Variants in CBFA2T2 observed in about 807,000 individuals in gnomAD.
CBFA2T2 encodes the protein protein CBFA2T2.
A neutral mutation model predicts 62.2 loss-of-function variants in CBFA2T2; 11 were observed. That is an observed-to-expected ratio of 0.18 (90% CI 0.11 to 0.29). The LOEUF is 0.29. CBFA2T2 is among the 10% of genes least tolerant of loss of function. The pLI is 1.00. For synonymous variants in CBFA2T2, 295 were observed against 287.5 expected (o/e 1.03, Z -0.27); for missense variants, 592 against 774.1 (o/e 0.76, Z 2.79).
intron 1 of CBFA2T2, among the ~76,000 whole-genome samples, chr20:33,587,481 T>A (rs1269021799): frequency 6.6e-6 from 1 of 151,966 alleles, no homozygotes; most frequent in Non-Finnish European, 1.5e-5. Flanking sequence ...TTAGCCAGGA[T>A]GGTCTTGATC....
chr20:33,609,210 A>G (rs1170039331), intron 2 of CBFA2T2, among the ~76,000 whole-genome samples: 1 of 152,136 alleles, frequency 6.6e-6, no homozygotes, highest in Non-Finnish European at 1.5e-5. Context: ...ATAGAAATAA[A>G]CAAGCATAGG....
In CBFA2T2 at chr20:33,611,238, G is replaced by A. The variant is rs2015516680; in HGVS notation, c.323G>A (p.Ser108Asn). The A allele has an allele frequency of 1.9e-6, 3 of 1,614,034 alleles. No individual in the cohort carries two copies. Among genetic ancestry groups the A allele is most frequent in the Non-Finnish European group, 2.5e-6 (3 of 1,180,030 alleles). The change falls in exon 3 of 11, where the codon AGC (serine) becomes AAC (asparagine). Residue 108 changes from serine (S) to asparagine (N), a missense_variant. Coordinates refer to ENST00000342704, the MANE Select transcript of CBFA2T2 (RefSeq NM_001032999.3). ...GCCACTTGTGGTGCTCGACAACTCA[G>A]CAAGTTGAAACGCTTTCTTACCACT... The part of the protein sequence containing the change: ...LPATCGARQL[S>N]KLKRFLTTLQ...
chr20:33,528,832 C>G (rs1600932733), intron 1 of CBFA2T2, among the ~76,000 whole-genome samples: 2 of 152,080 alleles, frequency 1.3e-5, no homozygotes, highest in African/African-American at 4.8e-5. Flanking sequence ...AGCCACTGCA[C>G]CCGGCCTAAA....
intron 3 of CBFA2T2, among the ~76,000 whole-genome samples, chr20:33,613,398 G>A (rs1205768110): frequency 1.3e-5 from 2 of 152,228 alleles, no homozygotes; most frequent in Non-Finnish European, 2.9e-5. Flanking sequence ...CAGAGGCATA[G>A]TAAGGAGACA....
chr20:33,637,229 T>G (rs991320726), intron 9 of CBFA2T2, among the ~76,000 whole-genome samples: 5 of 152,226 alleles, frequency 3.3e-5, no homozygotes, highest in African/African-American at 1.2e-4. Flanking sequence ...AGTTCAAGGA[T>G]GAACCTCACA....
chr20:33,548,851 G>A lies in CBFA2T2; in HGVS notation c.35-58105G>A, dbSNP rs1199072390. Among the ~76,000 whole-genome samples, 3 of 152,074 alleles carry A rather than the reference G, an allele frequency of 2.0e-5. No individual in the cohort carries two copies. In the East Asian group the frequency reaches 5.8e-4, roughly 29 times the overall value. On this transcript the variant is annotated intron_variant, in intron 1 of 10. Coordinates refer to ENST00000342704, the MANE Select transcript of CBFA2T2 (RefSeq NM_001032999.3). ...TTCTTCTGGAGTTGCCGCTACTCAGGAGGCTGAAGCAGGAAGATCACTTGA... is the reference window on the plus strand; with the variant it reads ...TTCTTCTGGAGTTGCCGCTACTCAGAAGGCTGAAGCAGGAAGATCACTTGA...
intron 1 of CBFA2T2, among the ~76,000 whole-genome samples, chr20:33,536,207 G>A (rs2146873787): frequency 6.6e-6 from 1 of 151,552 alleles, no homozygotes; most frequent in Admixed American, 6.6e-5. Context: ...ACGGGGTGGT[G>A]GCCGGGCAGA....
At chr20:33,622,093 C>T (rs563986881) in intron 4 of CBFA2T2, among the ~76,000 whole-genome samples, 1 of 152,290 alleles carries the variant, frequency 6.6e-6, no homozygotes, top group East Asian at 1.9e-4. Context: ...TAAGTTTTTA[C>T]AGTTGCAACA....
intron 4 of CBFA2T2, among the ~76,000 whole-genome samples, chr20:33,622,405 G>A (rs2016027149): frequency 6.6e-6 from 1 of 152,076 alleles, no homozygotes; most frequent in Non-Finnish European, 1.5e-5. Flanking sequence ...TAAATTTGGT[G>A]AGAAAAATAT....
intron 1 of CBFA2T2, among the ~76,000 whole-genome samples, chr20:33,498,372 T>C (rs1475822705): frequency 6.6e-6 from 1 of 151,572 alleles, no homozygotes; most frequent in Non-Finnish European, 1.5e-5. Context: ...CTGCCTCAGC[T>C]TCCCAAGTCG....
chr20:33,537,916 G>C (rs1418489865), intron 1 of CBFA2T2, among the ~76,000 whole-genome samples: 2 of 151,574 alleles, frequency 1.3e-5, no homozygotes, highest in Non-Finnish European at 2.9e-5. Flanking sequence ...TAGTCCTCTA[G>C]CTATATTCGT....
At chr20:33,538,612 C>T (rs1379214759) in intron 1 of CBFA2T2, among the ~76,000 whole-genome samples, 2 of 152,140 alleles carry the variant, frequency 1.3e-5, no homozygotes, top group African/African-American at 4.8e-5. Context: ...GTAATCCACC[C>T]ACCTCGGCCT....
chr20:33,545,444 T>TCTTTCTTTCTTTCTTTCTTTCTTTCTTC (rs1405335185), intron 1 of CBFA2T2, among the ~76,000 whole-genome samples: 1 of 144,372 alleles, frequency 6.9e-6, no homozygotes, highest in African/African-American at 2.7e-5. Flanking sequence ...TCTTTCTCTT[T>TCTTTCTTTCTTTCTTTCTTTCTTTCTTC]CTTTCTTTCT....
intron 1 of CBFA2T2, among the ~76,000 whole-genome samples, chr20:33,564,912 GTTTTCTTTTC>G (rs566454470): frequency 6.6e-6 from 1 of 151,804 alleles, no homozygotes; most frequent in African/African-American, 2.4e-5. Flanking sequence ...CTTTTCCCAA[GTTTTCTTTTC>G]TTTTCTTTTC....
chr20:33,575,809 A>G (rs2013795111), intron 1 of CBFA2T2, among the ~76,000 whole-genome samples: 1 of 152,118 alleles, frequency 6.6e-6, no homozygotes, highest in Admixed American at 6.6e-5. Context: ...ACAGAGTCTC[A>G]GTCTGTCGCC....
chr20:33,536,525 C>A (rs1204845674), intron 1 of CBFA2T2, among the ~76,000 whole-genome samples: 5 of 151,546 alleles, frequency 3.3e-5, no homozygotes, highest in African/African-American at 4.9e-5. Context: ...GGAGACACTC[C>A]TCACTTCCCA....
chr20:33,638,709 C>G (rs2016717488), intron 9 of CBFA2T2: 1 of 152,222 alleles, frequency 6.6e-6, no homozygotes, highest in African/African-American at 2.4e-5. Context: ...TCTGGATTGT[C>G]TAGTCCTGTG....
chr20:33,537,260 G>A (rs560622742), intron 1 of CBFA2T2, among the ~76,000 whole-genome samples: 47 of 152,374 alleles, frequency 3.1e-4, no homozygotes, highest in Non-Finnish European at 4.1e-4. Flanking sequence ...CGAGGCTGGC[G>A]GATCACTCGC....
At chr20:33,596,736 C>A (rs2014908800) in intron 1 of CBFA2T2, among the ~76,000 whole-genome samples, 2 of 152,102 alleles carry the variant, frequency 1.3e-5, no homozygotes, top group Non-Finnish European at 2.9e-5. Flanking sequence ...CAGCTCCACA[C>A]TTTTATATCC....
Sources: allele counts gnomAD v4.1 joint callset (sites outside exome capture counted in the v4.1 genomes callset), GRCh38; gene constraint gnomAD v4.1.1; transcripts MANE v1.5; gene names NCBI Gene and HGNC (gene_info 2026-07-23, HGNC 2026-07-21).